The following CSNK1A1 variants were observed in gnomAD, a reference collection of about 807,000 sequenced individuals.
The protein encoded by CSNK1A1 is casein kinase I isoform alpha.
A neutral mutation model predicts 46.1 loss-of-function variants in CSNK1A1; 7 were observed. That is an observed-to-expected ratio of 0.15 (90% CI 0.09 to 0.29). CSNK1A1 has a LOEUF of 0.29. CSNK1A1 is among the 10% of genes least tolerant of loss of function. The pLI is 1.00. For synonymous variants in CSNK1A1, 137 were observed against 141.5 expected (o/e 0.97, Z 0.23); for missense variants, 96 against 417.1 (o/e 0.23, Z 6.71).
intron 2 of CSNK1A1, chr5:149,549,200 A>G: frequency 2.4e-6 from 1 of 410,146 alleles, no homozygotes. Context: ...CTAAGTGATT[A>G]AGATTTTTTT....
chr5:149,497,531 T>C (rs951406799), intron 9 of CSNK1A1: 3 of 985,476 alleles, frequency 3.0e-6, no homozygotes, highest in African/African-American at 1.7e-5. Flanking sequence ...AAGTAGACCC[T>C]AGGGCCTCTA....
At chr5:149,541,159 T>TC (rs1368370797) in intron 2 of CSNK1A1, among the ~76,000 whole-genome samples, 1 of 58,992 alleles carries the variant, frequency 1.7e-5, no homozygotes, top group African/African-American at 1.5e-4. Flanking sequence ...ACCAATTTTG[T>TC]TTTTTTTTTT....
chr5:149,542,396 A>T (rs1762262828), intron 2 of CSNK1A1, among the ~76,000 whole-genome samples: 1 of 150,388 alleles, frequency 6.6e-6, no homozygotes, highest in Non-Finnish European at 1.5e-5. Flanking sequence ...GTGCACAATA[A>T]ATGTAATGCA....
In CSNK1A1 at chr5:149,550,231, G is replaced by C; in HGVS notation, c.124-50C>G. 1 of 1,598,888 alleles carries C rather than the reference G, an allele frequency of 6.3e-7. No individual in the cohort carries two copies. The highest frequency in any genetic ancestry group is 8.5e-7 in the Non-Finnish European group (1 of 1,172,466). On this transcript the variant is annotated intron_variant, in intron 1 of 9. Coordinates refer to ENST00000377843, the MANE Select transcript of CSNK1A1 (RefSeq NM_001892.6). The surrounding 1 kb of genome is among the most constrained non-coding windows in gnomAD (Gnocchi z 4.3). ...GCATCAACATCCCTACGGATTCAAT[G>C]TCACTTAGGAAAGGAGGGAGACATT... is the stretch of plus-strand genomic sequence containing the variant.
intron 2 of CSNK1A1, among the ~76,000 whole-genome samples, chr5:149,548,676 C>T (rs1477283796): frequency 6.6e-6 from 1 of 152,086 alleles, no homozygotes; most frequent in Non-Finnish European, 1.5e-5. Flanking sequence ...GCCTGGCCAA[C>T]GTGGTGAAAC....
At position 149,550,834 on chromosome 5, in the gene CSNK1A1, ATGAT is replaced by A; in HGVS notation, c.123+4_123+7del. 6.2e-7 allele frequency: 1 copy of A among 1,612,892 alleles called. No homozygotes were observed. The highest frequency in any genetic ancestry group is 8.5e-7 in the Non-Finnish European group (1 of 1,179,856). On this transcript the variant is annotated splice_donor_5th_base_variant and intron_variant, in intron 1 of 9. Coordinates refer to ENST00000377843, the MANE Select transcript of CSNK1A1 (RefSeq NM_001892.6). The surrounding 1 kb of genome is among the most constrained non-coding windows in gnomAD (Gnocchi z 4.3). ...AGCGTTATCGTGAACCCCACCCCAG[ATGAT>A]TACCTCGCCGTTGGTGATGTTGATC...
intron 9 of CSNK1A1, 46 bp downstream of exon 9, chr5:149,505,401 T>G (rs369743923): frequency 1.8e-5 from 29 of 1,580,990 alleles, no homozygotes; most frequent in Non-Finnish European, 2.5e-5. Flanking sequence ...CCCAATTTTG[T>G]ATTCAATTTT....
intron 9 of CSNK1A1, among the ~76,000 whole-genome samples, chr5:149,500,002 TCTGTCACCCAGG>T (rs1203933258): frequency 2.2e-5 from 3 of 138,404 alleles, no homozygotes; most frequent in Non-Finnish European, 4.6e-5. Flanking sequence ...GGAGTCTCGC[TCTGTCACCCAGG>T]CTGGAGTACA....
chr5:149,512,461 T>C (rs1356590694), intron 5 of CSNK1A1, among the ~76,000 whole-genome samples: 1 of 152,160 alleles, frequency 6.6e-6, no homozygotes, highest in African/African-American at 2.4e-5. Flanking sequence ...GGCATATCAT[T>C]GTTTTTTCTA....
rs1221253599 is a variant in CSNK1A1 at position 149,496,712 on chromosome 5, T to C, written c.*141A>G. The C allele has an allele frequency of 1.2e-5, 14 of 1,194,556 alleles. No individual in the cohort carries two copies. The East Asian group carries it at 2.3e-4, about 20-fold the overall frequency. The allele number at this position is 1,194,556 out of a possible 1,614,324, so 74.0% of individuals were successfully genotyped here. On this transcript the variant is annotated 3_prime_UTR_variant, in exon 10 of 10. Coordinates refer to ENST00000377843, the MANE Select transcript of CSNK1A1 (RefSeq NM_001892.6). ...AATGCTGCCCAGAGTCAGTTTATAC[T>C]GAAATTAAGTTCTTTACACCAAGTA...
intron 2 of CSNK1A1, among the ~76,000 whole-genome samples, chr5:149,530,792 C>T (rs915459809): frequency 7.3e-5 from 11 of 151,698 alleles, no homozygotes; most frequent in Admixed American, 2.6e-4. Flanking sequence ...ATGGTGAAAC[C>T]CCGTCTCTAC....
At chr5:149,504,237 C>A in intron 9 of CSNK1A1, 1 of 985,410 alleles carries the variant, frequency 1.0e-6, no homozygotes, top group Non-Finnish European at 1.2e-6. Flanking sequence ...TTCCCAAATA[C>A]AAAAACATGG....
intron 2 of CSNK1A1, among the ~76,000 whole-genome samples, chr5:149,527,571 C>G (rs908463462): frequency 1.4e-4 from 22 of 152,210 alleles, no homozygotes; most frequent in African/African-American, 5.3e-4. Context: ...CACAGTGATG[C>G]TTTGGGTAAT....
chr5:149,523,501 G>C (rs757688880), intron 3 of CSNK1A1, among the ~76,000 whole-genome samples: 9 of 152,214 alleles, frequency 5.9e-5, no homozygotes, highest in African/African-American at 9.6e-5. Flanking sequence ...GCGTGAGCCA[G>C]TGTGCCGCGC....
chr5:149,550,301 A>G lies in CSNK1A1; in HGVS notation c.124-120T>C. The G allele has an allele frequency of 6.7e-7, 1 of 1,491,870 alleles. No homozygotes were observed. Among genetic ancestry groups the G allele is most frequent in the Non-Finnish European group, 8.9e-7 (1 of 1,126,434 alleles). 92.4% of individuals were successfully genotyped at this position (1,491,870 alleles called of 1,614,324 possible). On this transcript the variant is annotated intron_variant, in intron 1 of 9. Transcript: ENST00000377843. This position sits in a 1 kb window ranked among gnomAD's most constrained non-coding sequence, Gnocchi z 4.3. ...ACTACAAGAAGAAGTGAAAAGCTGG[A>G]AAGAGAAAGCTCTCGGTAATTATAA...
chr5:149,530,831 T>G (rs957646638), intron 2 of CSNK1A1, among the ~76,000 whole-genome samples: 1 of 151,808 alleles, frequency 6.6e-6, no homozygotes, highest in Admixed American at 6.6e-5. Flanking sequence ...CTGGGCATGG[T>G]GGTGGGCGCC....
chr5:149,524,359 T>A (rs144737838), intron 3 of CSNK1A1, among the ~76,000 whole-genome samples: 53 of 152,302 alleles, frequency 3.5e-4, no homozygotes, highest in African/African-American at 4.8e-4. Flanking sequence ...AAACAAAAAA[T>A]TATACATGTC....
In CSNK1A1 at chr5:149,496,875, AAAC is replaced by A. The variant is rs746624658; in HGVS notation, c.1007-18_1007-16del. The A allele has an allele frequency of 1.6e-5, 25 of 1,539,422 alleles. No homozygotes were observed. In the South Asian group the frequency reaches 2.8e-4, roughly 17 times the overall value. On this transcript the variant is annotated splice_polypyrimidine_tract_variant and intron_variant, in intron 9 of 9. Coordinates refer to ENST00000377843, the MANE Select transcript of CSNK1A1 (RefSeq NM_001892.6). ...TGCTTAGAAACCTGGTAAAAAATCAAAACAAAAAAAAAGTTAAAATTCCAAGTC... is the reference window on the plus strand; with the variant it reads ...TGCTTAGAAACCTGGTAAAAAATCAAAAAAAAAAAGTTAAAATTCCAAGTC...
rs1017643828 is a variant in CSNK1A1 at position 149,509,808 on chromosome 5, T to C, written c.750+71A>G. ...CTACTGCCTTGGCCTCCCAAAGTGCTGGGATTACAGGTGTGAGCCATTGTG... is the reference window on the plus strand; with the variant it reads ...CTACTGCCTTGGCCTCCCAAAGTGCCGGGATTACAGGTGTGAGCCATTGTG... On this transcript the variant is annotated intron_variant, in intron 7 of 9. Transcript: ENST00000377843. The C allele has an allele frequency of 1.2e-5, 14 of 1,194,486 alleles. No homozygotes were observed. In the African/African-American group the frequency reaches 1.8e-4, roughly 16 times the overall value. The allele number at this position is 1,194,486 out of a possible 1,614,324, so 74.0% of individuals were successfully genotyped here. A position where few individuals can be genotyped will look rare whatever the true frequency, so the allele number is the denominator to read the frequency against.
Sources: gnomAD v4.1 joint callset for allele counts (sites outside exome capture counted in the v4.1 genomes callset) on GRCh38, gnomAD v4.1.1 for gene constraint, Gnocchi (gnomAD v3.1) non-coding constraint, MANE v1.5 for transcripts, NCBI Gene and HGNC (gene_info 2026-07-23, HGNC 2026-07-21) for gene names.